Variants in TAMM41 observed in about 807,000 individuals in gnomAD.
TAMM41 encodes phosphatidate cytidylyltransferase, mitochondrial.
A neutral mutation model predicts 44.1 loss-of-function variants in TAMM41; 36 were observed. The ratio of observed to expected loss-of-function variants is 0.82; its 90% CI spans 0.63 to 1.08. The LOEUF is 1.08. TAMM41 is among the 50% of genes least tolerant of loss of function. TAMM41 has a pLI of 0.00. For missense variants in TAMM41, 417 were observed against 404.3 expected (o/e 1.03, Z -0.27); for synonymous variants, 164 against 153.1 (o/e 1.07, Z -0.53).
Position 11,797,768 on chromosome 3 carries a change from C to T in TAMM41, c.938-7187G>A, listed in dbSNP as rs147014942. 2.6e-3 allele frequency among the ~76,000 whole-genome samples: 390 copies of T among 152,130 alleles called. 1 individual carries two copies. The highest frequency in any genetic ancestry group is 8.8e-3 in the African/African-American group (367 of 41,500). On this transcript the variant is annotated intron_variant, in intron 7 of 7. Transcript: ENST00000455809. ...CATCTGACAAAGGCTTTATGTCCAG[C>T]ATCTATAAAGAACCTAAACAAATTT...
At chr3:11,768,506 T>A in the TAMM41 span, among the ~76,000 whole-genome samples, 1 of 152,234 alleles carries the variant, frequency 6.6e-6, no homozygotes, top group Admixed American at 6.5e-5. Context: ...CCCACAATTT[T>A]ATGTTAGAAT....
chr3:11,730,324 G>A, the TAMM41 span, among the ~76,000 whole-genome samples: 1 of 151,758 alleles, frequency 6.6e-6, no homozygotes, highest in African/African-American at 2.4e-5. Context: ...TGGAGGCTGA[G>A]GCAGAGAATA....
At chr3:11,792,886 C>T (rs1051449145) in intron 7 of TAMM41, among the ~76,000 whole-genome samples, 2 of 151,840 alleles carry the variant, frequency 1.3e-5, no homozygotes, top group Admixed American at 6.6e-5. Flanking sequence ...ATGGTGAAAC[C>T]CCGTCTCTAC....
intron 5 of TAMM41, among the ~76,000 whole-genome samples, chr3:11,815,301 C>T (rs183123993): frequency 1.6e-3 from 241 of 152,200 alleles, no homozygotes; most frequent in African/African-American, 4.4e-3. Flanking sequence ...TGGAGGAGTG[C>T]GGCTGTGCAG....
chr3:11,736,323 C>T, the TAMM41 span, among the ~76,000 whole-genome samples: 2 of 152,172 alleles, frequency 1.3e-5, no homozygotes, highest in Non-Finnish European at 2.9e-5. Flanking sequence ...CTTCCCATCC[C>T]TCATGCTCAG....
At chr3:11,743,880 C>A in the TAMM41 span, among the ~76,000 whole-genome samples, 1 of 152,010 alleles carries the variant, frequency 6.6e-6, no homozygotes, top group South Asian at 2.1e-4. Flanking sequence ...ACCTAGTATC[C>A]CCAGCCTCTG....
At chr3:11,798,005 T>C (rs2077651465) in intron 7 of TAMM41, among the ~76,000 whole-genome samples, 1 of 152,134 alleles carries the variant, frequency 6.6e-6, no homozygotes. Flanking sequence ...CAACAGAAGC[T>C]GGTGAGGTTG....
chr3:11,744,842 C>T, the TAMM41 span, among the ~76,000 whole-genome samples: 1 of 151,594 alleles, frequency 6.6e-6, no homozygotes, highest in African/African-American at 2.4e-5. Context: ...GACTGAGCAA[C>T]ACTGCAAGAC....
intron 5 of TAMM41, among the ~76,000 whole-genome samples, chr3:11,815,724 A>G (rs2078251869): frequency 6.8e-6 from 1 of 147,090 alleles, no homozygotes; most frequent in African/African-American, 2.6e-5. Context: ...GTAGTGTAAG[A>G]CGGTAAAAAA....
chr3:11,797,113 C>T (rs77736071), intron 7 of TAMM41, among the ~76,000 whole-genome samples: 1 of 152,136 alleles, frequency 6.6e-6, no homozygotes, highest in East Asian at 1.9e-4. Context: ...ATTAAACTAC[C>T]AATGACATTC....
the TAMM41 span, among the ~76,000 whole-genome samples, chr3:11,783,464 A>G: frequency 6.6e-6 from 1 of 152,242 alleles, no homozygotes. Flanking sequence ...TTAGGATTAG[A>G]AGCCAGGGCA....
At chr3:11,732,102 G>A in the TAMM41 span, among the ~76,000 whole-genome samples, 1 of 152,034 alleles carries the variant, frequency 6.6e-6, no homozygotes, top group African/African-American at 2.4e-5. Context: ...CCTGACCTCA[G>A]GTGATCCTCC....
At chr3:11,776,888 A>C in the TAMM41 span, among the ~76,000 whole-genome samples, 1 of 152,218 alleles carries the variant, frequency 6.6e-6, no homozygotes, top group Non-Finnish European at 1.5e-5. Context: ...TGCTTAGTAA[A>C]ATAAACCAGA....
At chr3:11,784,796 CTTTTT>C in the TAMM41 span, among the ~76,000 whole-genome samples, 1,834 of 109,062 alleles carry the variant, frequency 0.017, 19 homozygotes, top group Admixed American at 0.019. Flanking sequence ...CTTTTCTTTT[CTTTTT>C]TTTTTTTTTT....
chr3:11,760,829 G>A, the TAMM41 span, among the ~76,000 whole-genome samples: 1 of 151,828 alleles, frequency 6.6e-6, no homozygotes, highest in Non-Finnish European at 1.5e-5. Flanking sequence ...CCAAAGTGCT[G>A]GGATTACAGG....
At chr3:11,806,795 C>T (rs193007540) in intron 7 of TAMM41, among the ~76,000 whole-genome samples, 97 of 152,272 alleles carry the variant, frequency 6.4e-4, no homozygotes, top group African/African-American at 2.2e-3. Context: ...CATCAAAGCA[C>T]ATCACTGAGA....
At chr3:11,788,908 G>T (rs912426963), downstream of TAMM41, among the ~76,000 whole-genome samples, 3 of 151,750 alleles carry the variant, frequency 2.0e-5, no homozygotes, top group African/African-American at 7.3e-5. Context: ...CTGCATTCCA[G>T]CCTGGGCAAC....
the TAMM41 span, among the ~76,000 whole-genome samples, chr3:11,725,351 CTTTTTTT>C: frequency 0.034 from 2,734 of 79,294 alleles, 47 homozygotes; most frequent in Middle Eastern, 0.048. Flanking sequence ...CCTCCTCCTC[CTTTTTTT>C]TCTTCTTCTC....
chr3:11,807,473 G>A, intron 7 of TAMM41: 3 of 1,536,170 alleles, frequency 2.0e-6, no homozygotes, highest in Middle Eastern at 1.7e-4. Flanking sequence ...GGAAGCAGTT[G>A]TCTCAGAGAA....
Sources: allele counts gnomAD v4.1 joint callset (sites outside exome capture counted in the v4.1 genomes callset), GRCh38; gene constraint gnomAD v4.1.1; transcripts MANE v1.5; gene names NCBI Gene and HGNC (gene_info 2026-07-23, HGNC 2026-07-21).